The following DDAH1 variants were observed in gnomAD, a reference collection of about 807,000 sequenced individuals.
The protein encoded by DDAH1 is N(G),N(G)-dimethylarginine dimethylaminohydrolase 1.
In DDAH1, 19 loss-of-function variants were observed where a neutral mutation model predicts 28.8. The ratio of observed to expected loss-of-function variants is 0.66; its 90% CI spans 0.46 to 0.97. DDAH1 has a LOEUF of 0.97. Among genes scored for constraint, DDAH1 ranks in the 50% least tolerant of loss-of-function variants. The pLI, the probability that DDAH1 is intolerant of heterozygous loss-of-function variation, is 0.00. For missense variants in DDAH1, 326 were observed against 375.9 expected (o/e 0.87, Z 1.10); for synonymous variants, 153 against 154.4 (o/e 0.99, Z 0.07).
intron 2 of DDAH1, among the ~76,000 whole-genome samples, chr1:85,480,025 A>G (rs1260344373): frequency 6.6e-6 from 1 of 152,250 alleles, no homozygotes; most frequent in East Asian, 1.9e-4. Flanking sequence ...AACTATGAGC[A>G]ATTAAAAGAG....
chr1:85,575,726 T>C (rs1026054513), intron 1 of DDAH1: 1 of 152,216 alleles, frequency 6.6e-6, no homozygotes, highest in East Asian at 1.9e-4. Flanking sequence ...AGGTAAGAGA[T>C]AGAGAGTAGG....
chr1:85,389,184 A>G (rs1268996132), intron 1 of DDAH1, among the ~76,000 whole-genome samples: 5 of 152,174 alleles, frequency 3.3e-5, no homozygotes, highest in Non-Finnish European at 5.9e-5. Context: ...TCTACTAAAA[A>G]TGAAAATTAA....
chr1:85,548,491 G>A (rs777506879), intron 1 of DDAH1, among the ~76,000 whole-genome samples: 3 of 152,096 alleles, frequency 2.0e-5, no homozygotes, highest in Non-Finnish European at 4.4e-5. Context: ...ATGTGTAAGG[G>A]GTGGATGTTT....
chr1:85,453,863 T>G (rs529592909), intron 1 of DDAH1, among the ~76,000 whole-genome samples: 1 of 152,344 alleles, frequency 6.6e-6, no homozygotes, highest in Non-Finnish European at 1.5e-5. Flanking sequence ...TTTTAGGCCT[T>G]TAGCCAGTGA....
intron 1 of DDAH1, among the ~76,000 whole-genome samples, chr1:85,525,590 C>G (rs1330823612): frequency 6.6e-6 from 1 of 152,032 alleles, no homozygotes. Context: ...CACACACACT[C>G]CATACCCTTG....
At chr1:85,335,640 C>T (rs1648060181) in intron 4 of DDAH1, among the ~76,000 whole-genome samples, 1 of 152,068 alleles carries the variant, frequency 6.6e-6, no homozygotes, top group African/African-American at 2.4e-5. Context: ...CATATGCACC[C>T]AACACTGAAG....
intron 1 of DDAH1, among the ~76,000 whole-genome samples, chr1:85,413,840 A>AG (rs1260270429): frequency 1.3e-5 from 2 of 152,244 alleles, no homozygotes; most frequent in African/African-American, 4.8e-5. Flanking sequence ...AAAAACAGTA[A>AG]CTGAATGTAT....
intron 1 of DDAH1, among the ~76,000 whole-genome samples, chr1:85,407,986 T>C (rs1424423425): frequency 6.6e-6 from 1 of 152,206 alleles, no homozygotes; most frequent in Non-Finnish European, 1.5e-5. Flanking sequence ...TTTTAAATTG[T>C]TGGCTTGCAT....
chr1:85,456,117 T>G (rs1654869221), intron 1 of DDAH1, among the ~76,000 whole-genome samples: 1 of 151,488 alleles, frequency 6.6e-6, no homozygotes, highest in African/African-American at 2.4e-5. Context: ...ATCCCTCAGC[T>G]ATTTGATCTT....
rs1043214084 is a variant in DDAH1 at position 85,350,494 on chromosome 1, T to C, written c.518A>G (p.His173Arg). 6.2e-7 allele frequency: 1 copy of C among 1,614,048 alleles called. No individual in the cohort carries two copies. The highest frequency in any genetic ancestry group is 1.3e-5 in the African/African-American group (1 of 74,924). The stretch of plus-strand genomic sequence containing the variant: ...AGCCATGCTGCAGAAACTCTTCAAA[T>C]GCAACCCATCTGCCACTGGCACTGT... The part of the protein sequence containing the change: ...VSTVPVADGL[H>R]LKSFCSMAGP... The change falls in exon 4 of 6, where the codon CAT (histidine) becomes CGT (arginine). Residue 173 changes from histidine to arginine, a missense_variant. His to Arg is a conservative substitution (Grantham distance 29). Transcript: ENST00000284031.
At chr1:85,324,045 A>T (rs1429602403) in intron 5 of DDAH1, among the ~76,000 whole-genome samples, 1 of 151,182 alleles carries the variant, frequency 6.6e-6, no homozygotes, top group Admixed American at 6.6e-5. Flanking sequence ...CCAGGCGGGC[A>T]GACTGCTTGA....
chr1:85,556,053 C>T (rs547207849), intron 1 of DDAH1, among the ~76,000 whole-genome samples: 4 of 151,878 alleles, frequency 2.6e-5, no homozygotes, highest in African/African-American at 7.2e-5. Context: ...CTGGGGAGTG[C>T]GGCCACCGCC....
chr1:85,453,707 C>T (rs1654762914), intron 1 of DDAH1, among the ~76,000 whole-genome samples: 1 of 152,154 alleles, frequency 6.6e-6, no homozygotes, highest in African/African-American at 2.4e-5. Context: ...TAATAGGCAC[C>T]ATTACCAACA....
chr1:85,536,459 A>C (rs1658280826), intron 1 of DDAH1, among the ~76,000 whole-genome samples: 1 of 152,120 alleles, frequency 6.6e-6, no homozygotes, highest in Admixed American at 6.5e-5. Flanking sequence ...AGGCTGAGGC[A>C]GGAGAATCGC....
intron 2 of DDAH1, among the ~76,000 whole-genome samples, chr1:85,473,119 C>T (rs1268474221): frequency 6.6e-6 from 1 of 152,180 alleles, no homozygotes; most frequent in Non-Finnish European, 1.5e-5. Flanking sequence ...TTATCCAATA[C>T]ATCACTGATG....
intron 1 of DDAH1, among the ~76,000 whole-genome samples, chr1:85,429,413 C>A (rs989410802): frequency 2.0e-5 from 3 of 152,190 alleles, no homozygotes; most frequent in Non-Finnish European, 4.4e-5. Flanking sequence ...TCCAGTCTAT[C>A]ATTCATGGGC....
At chr1:85,351,437 G>T in intron 3 of DDAH1, 69 bp downstream of exon 3, 2 of 1,238,286 alleles carry the variant, frequency 1.6e-6, no homozygotes, top group African/African-American at 1.5e-5. Context: ...TCATGACATT[G>T]ATTCAATGGT....
chr1:85,574,742 T>C (rs1659549784), intron 1 of DDAH1, among the ~76,000 whole-genome samples: 1 of 152,156 alleles, frequency 6.6e-6, no homozygotes, highest in Non-Finnish European at 1.5e-5. Flanking sequence ...AAATACATTG[T>C]CCTCAAATAT....
intron 1 of DDAH1, among the ~76,000 whole-genome samples, chr1:85,359,505 C>T (rs999597082): frequency 1.8e-4 from 27 of 152,146 alleles, no homozygotes; most frequent in African/African-American, 6.3e-4. Context: ...TTATGTCAGT[C>T]ATTTAGTCAG....
Sources: gnomAD v4.1 joint callset for allele counts (sites outside exome capture counted in the v4.1 genomes callset) on GRCh38, gnomAD v4.1.1 for gene constraint, MANE v1.5 for transcripts, NCBI Gene and HGNC (gene_info 2026-07-23, HGNC 2026-07-21) for gene names.